Variants in CA7 observed in about 807,000 individuals in gnomAD.
The protein encoded by CA7 is carbonic anhydrase 7.
Under a neutral mutation model 31.4 loss-of-function variants are expected in CA7, and 13 were observed. That is an observed-to-expected ratio of 0.41 (90% CI 0.27 to 0.66). The LOEUF (loss-of-function observed/expected upper bound fraction) is 0.66. Ranked by LOEUF, CA7 falls within the 30% of genes least tolerant of loss-of-function variation. The pLI, the probability that CA7 is intolerant of heterozygous loss-of-function variation, is 0.28. For missense variants in CA7, 215 were observed against 351.0 expected (o/e 0.61, Z 3.10); for synonymous variants, 128 against 133.2 (o/e 0.96, Z 0.27).
intron 2 of CA7, 85 bp downstream of exon 2, chr16:66,847,312 C>CT: frequency 8.2e-7 from 1 of 1,222,104 alleles, no homozygotes; most frequent in Non-Finnish European, 1.2e-6. Context: ...AGGAAGCATG[C>CT]TATGGTGGGT....
intron 1 of CA7, chr16:66,845,027 C>G: frequency 2.0e-6 from 2 of 986,680 alleles, no homozygotes; most frequent in Non-Finnish European, 2.4e-6. Flanking sequence ...GGCCGAGCTG[C>G]CTTCTCGGCC....
At chr16:66,845,051 A>G in intron 1 of CA7, 1 of 986,034 alleles carries the variant, frequency 1.0e-6, no homozygotes, top group Non-Finnish European at 1.2e-6. Flanking sequence ...ACGTGAGGGA[A>G]GGGGGCACTT....
At chr16:66,852,622 AAAAGAAAG>A (rs1040910884) in intron 5 of CA7, 82 bp from the exon 6 acceptor site, 1 of 879,186 alleles carries the variant, frequency 1.1e-6, no homozygotes, top group Non-Finnish European at 1.6e-6. Flanking sequence ...AAGAAAAGAA[AAAAGAAAG>A]AAAGAGATGG....
rs772623713 is a variant in CA7 at position 66,850,617 on chromosome 16, G to C, written c.315G>C (p.Val105=). The C allele has an allele frequency of 6.2e-7, 1 of 1,614,062 alleles. No homozygotes were observed. Among genetic ancestry groups the C allele is most frequent in the Admixed American group, 1.7e-5 (1 of 60,012 alleles). The change falls in exon 3 of 7, where the codon GTG becomes GTC. Residue 105 remains valine (V), a synonymous_variant. Transcript: ENST00000338437. ...TCCACTGGGGCAAGAAGCACGATGTGGGTTCTGAGCACACGGTGGACGGCA... is the reference window on the plus strand; with the variant it reads ...TCCACTGGGGCAAGAAGCACGATGTCGGTTCTGAGCACACGGTGGACGGCA... ...FHFHWGKKHD[V]GSEHTVDGKS... is the part of the protein sequence containing the mutation.
chr16:66,851,438 G>A (rs1961047254), intron 3 of CA7, 25 bp from the exon 4 acceptor site: 3 of 1,597,844 alleles, frequency 1.9e-6, no homozygotes, highest in African/African-American at 2.7e-5. Flanking sequence ...GAGGCACGAA[G>A]CATTGGCCTG....
intron 5 of CA7, 52 bp downstream of exon 5, chr16:66,851,778 C>A: frequency 6.5e-7 from 1 of 1,537,650 alleles, no homozygotes; most frequent in Non-Finnish European, 8.9e-7. Context: ...GAGGAAGAGG[C>A]TGGCTCACAA....
At chr16:66,846,139 G>A (rs929975117) in intron 1 of CA7, among the ~76,000 whole-genome samples, 3 of 152,060 alleles carry the variant, frequency 2.0e-5, no homozygotes, top group Admixed American at 6.6e-5. Context: ...GATCCTCTGG[G>A]AGGCAGGTGG....
Position 66,851,506 on chromosome 16 carries a change from G to A in CA7, c.401G>A (p.Gly134Glu), listed in dbSNP as rs764520768. Reference sequence around the variant, plus strand: ...AATGCCAAGAAGTACAGCACTTTTGGGGAGGCGGCCTCAGCACCTGATGGC... The same window carrying A: ...AATGCCAAGAAGTACAGCACTTTTGAGGAGGCGGCCTCAGCACCTGATGGC... ...HWNAKKYSTF[G>E]EAASAPDGLA... is the part of the protein sequence containing the mutation. The change falls in exon 4 of 7, where the codon GGG becomes GAG. Residue 134 changes from glycine (G) to glutamate (E), a missense_variant. Transcript: ENST00000338437. The A allele has an allele frequency of 6.2e-7, 1 of 1,614,154 alleles. No individual in the cohort carries two copies.
At chr16:66,844,601 C>G in intron 1 of CA7, 74 bp downstream of exon 1, 2 of 1,317,164 alleles carry the variant, frequency 1.5e-6, no homozygotes, top group South Asian at 1.3e-5. Flanking sequence ...CCCTCTTGCC[C>G]AGCTGGTTTC....
At chr16:66,851,784 C>A in intron 5 of CA7, 58 bp downstream of exon 5, 1 of 1,504,060 alleles carries the variant, frequency 6.6e-7, no homozygotes, top group South Asian at 1.2e-5. Context: ...GAGGCTGGCT[C>A]ACAAGTTGGG....
At position 66,853,658 on chromosome 16, in the gene CA7, C is replaced by A; in HGVS notation, c.*160C>A. On this transcript the variant is annotated 3_prime_UTR_variant, in exon 7 of 7. Coordinates refer to ENST00000338437, the MANE Select transcript of CA7 (RefSeq NM_005182.3). The surrounding 1 kb of genome is among the most constrained non-coding windows in gnomAD (Gnocchi z 4.5). ...ACCCTGGAGGCTTCTGGATGGGACC[C>A]TTGAGTCTGGGGCACCCTTCAGCTG... 1 of 919,482 alleles carries A rather than the reference C, an allele frequency of 1.1e-6. No individual in the cohort carries two copies. Among genetic ancestry groups the A allele is most frequent in the South Asian group, 1.7e-5 (1 of 57,366 alleles). 57.0% of individuals were successfully genotyped at this position (919,482 alleles called of 1,614,324 possible).
chr16:66,851,122 C>T (rs1486547816), intron 3 of CA7, among the ~76,000 whole-genome samples: 2 of 152,220 alleles, frequency 1.3e-5, no homozygotes, highest in Middle Eastern at 3.2e-3. Context: ...TAACCCTCTG[C>T]TTATTCTCTG....
chr16:66,848,271 G>C (rs1244266044), intron 2 of CA7, among the ~76,000 whole-genome samples: 1 of 152,184 alleles, frequency 6.6e-6, no homozygotes, highest in Non-Finnish European at 1.5e-5. Flanking sequence ...TCAGGAGAGA[G>C]ACAAAGCATT....
rs1444368965 is a variant in CA7, at chr16:66,852,730, A to G, written c.535A>G (p.Ser179Gly). The change falls in exon 6 of 7, where the codon AGC (serine) becomes GGC (glycine). Residue 179 changes from serine to glycine, a missense_variant. Transcript: ENST00000338437. Reference protein sequence around the residue: ...VRFKGTKAQFSCFNPKCLLPA... With the variant: ...VRFKGTKAQFGCFNPKCLLPA... Reference sequence around the variant, plus strand: ...GTTCCAGGGCACCAAAGCCCAGTTCAGCTGCTTCAACCCCAAGTGCCTCCT... The same window carrying G: ...GTTCCAGGGCACCAAAGCCCAGTTCGGCTGCTTCAACCCCAAGTGCCTCCT... The G allele has an allele frequency of 1.2e-6, 2 of 1,613,544 alleles. No homozygotes were observed. Among genetic ancestry groups the G allele is most frequent in the Non-Finnish European group, 8.5e-7 (1 of 1,179,662 alleles).
intron 1 of CA7, chr16:66,845,297 A>C: frequency 1.8e-4 from 143 of 807,662 alleles, no homozygotes; most frequent in Non-Finnish European, 2.0e-4. Context: ...GCCATTTCTT[A>C]CCAAGCAGGG....
At chr16:66,850,889 C>T (rs1398749262) in intron 3 of CA7, among the ~76,000 whole-genome samples, 1 of 152,142 alleles carries the variant, frequency 6.6e-6, no homozygotes, top group East Asian at 1.9e-4. Flanking sequence ...TGAAGGGCTA[C>T]CCAGTCCCAC....
intron 2 of CA7, among the ~76,000 whole-genome samples, chr16:66,848,690 G>A (rs1960976611): frequency 1.3e-5 from 2 of 152,226 alleles, no homozygotes; most frequent in African/African-American, 4.8e-5. Flanking sequence ...CACACATTGA[G>A]TGCCCCGTGA....
chr16:66,846,202 T>TGC (rs1263053947), intron 1 of CA7, among the ~76,000 whole-genome samples: 2 of 149,116 alleles, frequency 1.3e-5, no homozygotes, highest in South Asian at 2.1e-4. Context: ...TGTGTGTGTG[T>TGC]GCATGGGCAT....
intron 1 of CA7, chr16:66,845,010 C>T (rs1960896799): frequency 1.0e-6 from 1 of 987,592 alleles, no homozygotes; most frequent in Admixed American, 6.1e-5. Flanking sequence ...AATTTCCCCG[C>T]AGAAGTGGCC....
Sources: gnomAD v4.1 joint callset for allele counts (sites outside exome capture counted in the v4.1 genomes callset) on GRCh38, gnomAD v4.1.1 for gene constraint, Gnocchi (gnomAD v3.1) non-coding constraint, MANE v1.5 for transcripts, NCBI Gene and HGNC (gene_info 2026-07-23, HGNC 2026-07-21) for gene names.